MACROD2: variants seen among roughly 807,000 people sequenced by gnomAD.
MACROD2 encodes the protein mono-ADP ribosylhydrolase 2, also known as ADP-ribose glycohydrolase MACROD2.
A neutral mutation model predicts 70.4 loss-of-function variants in MACROD2; 36 were observed. The observed-to-expected ratio is 0.51, with a 90% CI of 0.39 to 0.68. The LOEUF (loss-of-function observed/expected upper bound fraction) is 0.68, where lower values mean the gene tolerates loss of function less well. MACROD2 is among the 30% of genes least tolerant of loss of function. The probability of loss-of-function intolerance (pLI) is 0.00; values close to 1 mark genes in which losing one functional copy is unlikely to be tolerated. For missense variants in MACROD2, 496 were observed against 538.4 expected, an observed-to-expected ratio of 0.92 and a Z score of 0.78; for synonymous variants, 172 against 178.8, an observed-to-expected ratio of 0.96 and a Z score of 0.30.
chr20:15,819,963 A>G (rs1232455483), intron 8 of MACROD2, among the ~76,000 whole-genome samples: 1 of 152,180 alleles, frequency 6.6e-6, no homozygotes, highest in East Asian at 1.9e-4. Context: ...GATATGTTAA[A>G]TGGCTTCACT....
intron 8 of MACROD2, among the ~76,000 whole-genome samples, chr20:15,811,075 A>G (rs2063816006): frequency 1.3e-5 from 2 of 151,958 alleles, no homozygotes; most frequent in South Asian, 4.2e-4. Flanking sequence ...ACAAAAGCCA[A>G]AATTGACAAA....
chr20:14,018,638 T>G (rs2053026000), intron 2 of MACROD2, among the ~76,000 whole-genome samples: 1 of 152,242 alleles, frequency 6.6e-6, no homozygotes, highest in Admixed American at 6.5e-5. Context: ...TTGGTTATTC[T>G]TTTTAGCTCC....
At position 14,701,742 on chromosome 20, in the gene MACROD2, T is replaced by C. The variant is rs73612374; in HGVS notation, c.418+16783T>C. Among the ~76,000 whole-genome samples the C allele has an allele frequency of 6.6e-5, 10 of 152,286 alleles. No homozygotes were observed. In the East Asian group the frequency reaches 1.9e-3, roughly 29 times the overall value. ...AAGATAGTTTCACTAAAAGGAGAAA[T>C]ACCCTTGTATAGAAAGTCTAAGACA... On this transcript the variant is annotated intron_variant, in intron 5 of 17. Coordinates refer to ENST00000684519, the MANE Select transcript of MACROD2 (RefSeq NM_001351661.2).
At chr20:15,421,304 G>A (rs4814366) in intron 6 of MACROD2, among the ~76,000 whole-genome samples, 47,082 of 151,816 alleles carry the variant, frequency 0.31, 7,622 homozygotes, top group African/African-American at 0.38. Context: ...CCTCAGCTCA[G>A]GGAGGCTGAG....
chr20:14,838,444 G>A (rs559914441), intron 5 of MACROD2, among the ~76,000 whole-genome samples: 1 of 152,150 alleles, frequency 6.6e-6, no homozygotes, highest in African/African-American at 2.4e-5. Flanking sequence ...TCTTGTGTTA[G>A]TTGACTAATT....
intron 3 of MACROD2, among the ~76,000 whole-genome samples, chr20:14,151,796 CTTG>C (rs1456036572): frequency 6.9e-6 from 1 of 144,174 alleles, no homozygotes; most frequent in East Asian, 2.0e-4. Context: ...GGTAATTGGC[CTTG>C]TTGTATTGTA....
intron 5 of MACROD2, among the ~76,000 whole-genome samples, chr20:14,959,639 C>T (rs891699152): frequency 2.6e-5 from 4 of 152,278 alleles, no homozygotes; most frequent in Middle Eastern, 3.4e-3. Flanking sequence ...GACGGGATGG[C>T]GTCCACACAG....
intron 8 of MACROD2, among the ~76,000 whole-genome samples, chr20:15,569,708 G>C (rs1340303596): frequency 6.6e-6 from 1 of 152,090 alleles, no homozygotes; most frequent in African/African-American, 2.4e-5. Flanking sequence ...GCTATATTTT[G>C]AAGTGGTAGC....
chr20:14,007,395 T>C (rs1329742091), intron 2 of MACROD2, among the ~76,000 whole-genome samples: 1 of 152,146 alleles, frequency 6.6e-6, no homozygotes, highest in African/African-American at 2.4e-5. Flanking sequence ...TCTCTGTCTC[T>C]TCCTCCCTCT....
At chr20:14,147,550 A>G (rs2054957708) in intron 3 of MACROD2, among the ~76,000 whole-genome samples, 1 of 152,204 alleles carries the variant, frequency 6.6e-6, no homozygotes, top group Non-Finnish European at 1.5e-5. Flanking sequence ...AAAGATGATA[A>G]GATATTACTT....
Position 14,690,829 on chromosome 20 carries a change from C to T in MACROD2, c.418+5870C>T, listed in dbSNP as rs572601903. Reference sequence around the variant, plus strand: ...TTGAGTTGTAGCTACAGGGATTTTACGGCCACAGAACCTGAAGTGTTCACT... The same window carrying T: ...TTGAGTTGTAGCTACAGGGATTTTATGGCCACAGAACCTGAAGTGTTCACT... On this transcript the variant is annotated intron_variant, in intron 5 of 17. Transcript: ENST00000684519. Among the ~76,000 whole-genome samples the T allele has an allele frequency of 1.4e-3, 217 of 152,296 alleles. 1 individual carries two copies. The highest frequency in any genetic ancestry group is 2.3e-3 in the Non-Finnish European group (156 of 68,022).
chr20:14,551,167 T>C (rs1978628682), intron 4 of MACROD2, among the ~76,000 whole-genome samples: 1 of 152,178 alleles, frequency 6.6e-6, no homozygotes, highest in South Asian at 2.1e-4. Flanking sequence ...TCATGTAGAT[T>C]GTTTTGGGAA....
chr20:14,165,477 T>G (rs1324251470), intron 3 of MACROD2, among the ~76,000 whole-genome samples: 1 of 152,166 alleles, frequency 6.6e-6, no homozygotes, highest in African/African-American at 2.4e-5. Context: ...TCTTAGAGGA[T>G]CTATTTTAAG....
chr20:15,043,384 A>G (rs1250329668), intron 5 of MACROD2, among the ~76,000 whole-genome samples: 3 of 152,198 alleles, frequency 2.0e-5, no homozygotes, highest in Non-Finnish European at 4.4e-5. Flanking sequence ...TGCATGGGGC[A>G]TTGGCTCTCC....
chr20:15,404,292 A>G (rs752393749), intron 6 of MACROD2, among the ~76,000 whole-genome samples: 2 of 152,178 alleles, frequency 1.3e-5, no homozygotes, highest in South Asian at 2.1e-4. Flanking sequence ...TTTTCTCAAT[A>G]TCTTATATAT....
At chr20:15,093,402 A>G (rs1253948245) in intron 5 of MACROD2, among the ~76,000 whole-genome samples, 1 of 151,792 alleles carries the variant, frequency 6.6e-6, no homozygotes, top group Non-Finnish European at 1.5e-5. Flanking sequence ...GCACTTTTTC[A>G]TTTTTATTTT....
At chr20:14,258,219 T>C (rs1176837355) in intron 3 of MACROD2, among the ~76,000 whole-genome samples, 1 of 152,174 alleles carries the variant, frequency 6.6e-6, no homozygotes, top group African/African-American at 2.4e-5. Context: ...TCTTTTTTCA[T>C]ATAATGACTT....
intron 12 of MACROD2, 140 bp downstream of exon 12, chr20:15,937,684 C>A: frequency 1.6e-6 from 1 of 630,868 alleles, no homozygotes; most frequent in Non-Finnish European, 2.8e-6. Flanking sequence ...TAATTGACTA[C>A]ACCACCTACT....
intron 6 of MACROD2, among the ~76,000 whole-genome samples, chr20:15,323,106 A>G (rs1371291088): frequency 9.6e-6 from 1 of 103,798 alleles, no homozygotes; most frequent in Non-Finnish European, 2.5e-5. Flanking sequence ...CTGCAGTGAT[A>G]TATTGCTTAA....
Sources: gnomAD v4.1 joint callset for allele counts (sites outside exome capture counted in the v4.1 genomes callset) on GRCh38, gnomAD v4.1.1 for gene constraint, MANE v1.5 for transcripts, NCBI Gene and HGNC (gene_info 2026-07-23, HGNC 2026-07-21) for gene names.